The following UMAD1 variants were observed in gnomAD, a reference collection of about 807,000 sequenced individuals.
The protein encoded by UMAD1 is UBAP1-MVB12-associated (UMA)-domain containing protein 1.
UMAD1 carries 8 observed loss-of-function variants against 6.1 expected under a neutral mutation model. The ratio of observed to expected loss-of-function variants is 1.30; its 90% CI spans 0.76 to 2.35. UMAD1 has a LOEUF of 2.35. UMAD1 is among the 30% of genes most tolerant of loss of function. The pLI is 0.00. For missense variants in UMAD1, 130 were observed against 78.4 expected, an observed-to-expected ratio of 1.66 and a Z score of -2.49; for synonymous variants, 56 against 31.4, an observed-to-expected ratio of 1.78 and a Z score of -2.61.
Position 7,877,314 on chromosome 7 carries a change from T to C in UMAD1, c.190T>C (p.Ser64Pro), listed in dbSNP as rs780915281. ...NKENSSSVTVSDPEMENKAGQ... is the reference protein window; with the variant it reads ...NKENSSSVTVPDPEMENKAGQ... ...AGAAAATTCATCCAGTGTGACTGTA[T>C]CAGACCCTGAGATGGAAAATAAGGC... The change falls in exon 4 of 4, where the codon TCA becomes CCA. Residue 64 changes from serine (S) to proline (P), a missense_variant. Ser to Pro is a moderately conservative substitution (Grantham distance 74). Coordinates refer to ENST00000682710, the MANE Select transcript of UMAD1 (RefSeq NM_001302348.2). 6.3e-5 allele frequency: 45 copies of C among 717,496 alleles called. No homozygotes were observed. The East Asian group carries it at 1.2e-3, about 19-fold the overall frequency. 44.4% of individuals were successfully genotyped at this position (717,496 alleles called of 1,614,324 possible). A position where few individuals can be genotyped will look rare whatever the true frequency, so the allele number is the denominator to read the frequency against.
chr7:7,646,307 G>GT (rs35884759), intron 1 of UMAD1, among the ~76,000 whole-genome samples: 98,048 of 151,430 alleles, frequency 0.65, 32,094 homozygotes, highest in East Asian at 0.88. Context: ...GTTTGGCTGT[G>GT]CCCCACTCAA....
chr7:7,789,525 T>TTTG (rs1261712410), intron 2 of UMAD1, among the ~76,000 whole-genome samples: 1 of 152,196 alleles, frequency 6.6e-6, no homozygotes, highest in East Asian at 1.9e-4. Flanking sequence ...TTTGAGTATA[T>TTTG]AGTTTATTTG....
At chr7:7,759,383 A>G (rs1299759070) in intron 2 of UMAD1, among the ~76,000 whole-genome samples, 1 of 152,354 alleles carries the variant, frequency 6.6e-6, no homozygotes, top group East Asian at 1.9e-4. Flanking sequence ...GGTCACCTTC[A>G]TCCGGCATCA....
intron 2 of UMAD1, among the ~76,000 whole-genome samples, chr7:7,759,235 A>G (rs1464912825): frequency 1.3e-5 from 2 of 152,238 alleles, no homozygotes; most frequent in South Asian, 2.1e-4. Context: ...ACTATCATTA[A>G]GCAGGACACA....
chr7:7,838,524 A>G (rs1368650426), intron 3 of UMAD1, among the ~76,000 whole-genome samples: 1 of 152,192 alleles, frequency 6.6e-6, no homozygotes, highest in Non-Finnish European at 1.5e-5. Flanking sequence ...ACAATTAGTA[A>G]AACCACTTTT....
intron 2 of UMAD1, among the ~76,000 whole-genome samples, chr7:7,717,200 G>A (rs1368682573): frequency 6.6e-6 from 1 of 151,906 alleles, no homozygotes; most frequent in East Asian, 1.9e-4. Context: ...GGGACTACCG[G>A]TATGCGCCAC....
chr7:7,686,980 G>A lies in UMAD1; in HGVS notation c.82+13527G>A, dbSNP rs541095371. On this transcript the variant is annotated intron_variant, in intron 2 of 3. Transcript: ENST00000682710. Reference sequence around the variant, plus strand: ...TCTAAGACCATGAGAACTAGGGTACGTTGTAAGGATAGCTGAAGAGTGAAG... The same window carrying A: ...TCTAAGACCATGAGAACTAGGGTACATTGTAAGGATAGCTGAAGAGTGAAG... Among the ~76,000 whole-genome samples the A allele has an allele frequency of 6.6e-5, 10 of 152,318 alleles. No homozygotes were observed. In the South Asian group the frequency reaches 1.0e-3, roughly 16 times the overall value.
At chr7:7,710,432 A>G (rs1307264913) in intron 2 of UMAD1, among the ~76,000 whole-genome samples, 1 of 152,214 alleles carries the variant, frequency 6.6e-6, no homozygotes, top group Non-Finnish European at 1.5e-5. Context: ...ATTTCACTGA[A>G]GAGGATATAC....
At chr7:7,669,080 T>C (rs1779540392) in intron 1 of UMAD1, among the ~76,000 whole-genome samples, 1 of 81,438 alleles carries the variant, frequency 1.2e-5, no homozygotes, top group South Asian at 3.4e-4. Context: ...CAGCTGGGAA[T>C]CAAGTTTTTT....
chr7:7,807,259 G>A (rs146651786), intron 3 of UMAD1, among the ~76,000 whole-genome samples: 57 of 152,244 alleles, frequency 3.7e-4, no homozygotes, highest in Admixed American at 1.3e-3. Flanking sequence ...CATTAGATGA[G>A]CTTTAAACTA....
At chr7:7,814,964 C>G (rs2115289014) in intron 3 of UMAD1, among the ~76,000 whole-genome samples, 1 of 152,234 alleles carries the variant, frequency 6.6e-6, no homozygotes, top group Non-Finnish European at 1.5e-5. Context: ...AGGCATCTTG[C>G]AAGTCTCACT....
At chr7:7,719,621 A>T (rs962724956) in intron 2 of UMAD1, among the ~76,000 whole-genome samples, 4 of 151,482 alleles carry the variant, frequency 2.6e-5, no homozygotes, top group Admixed American at 6.6e-5. Flanking sequence ...GTTGAGCTAT[A>T]GACAGCCATG....
intron 2 of UMAD1, among the ~76,000 whole-genome samples, chr7:7,769,751 A>G (rs554555017): frequency 2.6e-5 from 4 of 152,332 alleles, no homozygotes; most frequent in African/African-American, 7.2e-5. Context: ...ATGGTACAGT[A>G]TGTTCATTAT....
rs1233620644 is a variant in UMAD1 at position 7,830,783 on chromosome 7, C to T, written c.156+29040C>T. Among the ~76,000 whole-genome samples, 1 of 152,090 alleles carries T rather than the reference C, an allele frequency of 6.6e-6. No homozygotes were observed. The highest frequency in any genetic ancestry group is 1.5e-5 in the Non-Finnish European group (1 of 68,004). ...ACTAAGTTCTATGAATCTTTACTTG[C>T]CGATCTTGTATCTTTCAGTACTGGA... On this transcript the variant is annotated intron_variant, in intron 3 of 3. Coordinates refer to ENST00000682710, the MANE Select transcript of UMAD1 (RefSeq NM_001302348.2). This position sits in a 1 kb window ranked among gnomAD's most constrained non-coding sequence, Gnocchi z 5.3.
chr7:7,698,790 T>C (rs555858291), intron 2 of UMAD1, among the ~76,000 whole-genome samples: 1 of 152,224 alleles, frequency 6.6e-6, no homozygotes, highest in South Asian at 2.1e-4. Context: ...GATGAATTCA[T>C]CTCAAAGTGA....
intron 1 of UMAD1, among the ~76,000 whole-genome samples, chr7:7,670,221 C>A (rs1779572216): frequency 6.6e-6 from 1 of 152,192 alleles, no homozygotes; most frequent in Non-Finnish European, 1.5e-5. Flanking sequence ...ATTAAAACTA[C>A]TTTTGTGATA....
intron 2 of UMAD1, among the ~76,000 whole-genome samples, chr7:7,720,849 A>G (rs1027716161): frequency 6.6e-6 from 1 of 152,188 alleles, no homozygotes; most frequent in African/African-American, 2.4e-5. Flanking sequence ...AAAAAGGTAT[A>G]TTTAAGACTT....
intron 2 of UMAD1, among the ~76,000 whole-genome samples, chr7:7,708,952 G>GGAGA (rs1027213456): frequency 6.6e-5 from 10 of 151,188 alleles, no homozygotes; most frequent in South Asian, 6.3e-4. Context: ...AGAGAGAGAG[G>GGAGA]GAGAGAGAGA....
chr7:7,802,717 C>T (rs1337918540), intron 3 of UMAD1, among the ~76,000 whole-genome samples: 1 of 152,192 alleles, frequency 6.6e-6, no homozygotes, highest in Non-Finnish European at 1.5e-5. Flanking sequence ...GGTATTGCTG[C>T]ATACAACTAG....
Sources: gnomAD v4.1 joint callset for allele counts (sites outside exome capture counted in the v4.1 genomes callset) on GRCh38, gnomAD v4.1.1 for gene constraint, Gnocchi (gnomAD v3.1) non-coding constraint, MANE v1.5 for transcripts, NCBI Gene and HGNC (gene_info 2026-07-23, HGNC 2026-07-21) for gene names.